SSBP2: variants seen among roughly 807,000 people sequenced by gnomAD.
The protein encoded by SSBP2 is single-stranded DNA-binding protein 2.
Under a neutral mutation model 61.8 loss-of-function variants are expected in SSBP2, and 17 were observed. The ratio of observed to expected loss-of-function variants is 0.28; its 90% CI spans 0.19 to 0.41. The LOEUF (loss-of-function observed/expected upper bound fraction) is 0.41, where lower values mean the gene tolerates loss of function less well. SSBP2 is among the 10% of genes least tolerant of loss of function. The pLI, the probability that SSBP2 is intolerant of heterozygous loss-of-function variation, is 1.00. For synonymous variants in SSBP2, 139 were observed against 141.3 expected, an observed-to-expected ratio of 0.98 and a Z score of 0.12; for missense variants, 310 against 458.7, an observed-to-expected ratio of 0.68 and a Z score of 2.96.
At chr5:81,722,643 G>C (rs778254220) in intron 1 of SSBP2, among the ~76,000 whole-genome samples, 1 of 151,930 alleles carries the variant, frequency 6.6e-6, no homozygotes, top group Non-Finnish European at 1.5e-5. Context: ...GCATGCATTT[G>C]TTTTCTCTAA....
chr5:81,544,957 A>G (rs1172474808), intron 4 of SSBP2, among the ~76,000 whole-genome samples: 3 of 152,172 alleles, frequency 2.0e-5, no homozygotes, highest in Non-Finnish European at 4.4e-5. Flanking sequence ...TGGACTGAAT[A>G]TAGAGGAGGA....
At chr5:81,441,203 T>C (rs1487373274) in intron 13 of SSBP2, among the ~76,000 whole-genome samples, 1 of 152,232 alleles carries the variant, frequency 6.6e-6, no homozygotes, top group African/African-American at 2.4e-5. Context: ...TCAATGACAC[T>C]CAGAGGTTCC....
At chr5:81,747,499 CAAAT>C (rs747209365) in intron 1 of SSBP2, among the ~76,000 whole-genome samples, 6 of 151,910 alleles carry the variant, frequency 3.9e-5, no homozygotes, top group Non-Finnish European at 8.8e-5. Flanking sequence ...CACAGGATGG[CAAAT>C]AAATAATAGT....
chr5:81,578,564 G>C (rs1423552862), intron 4 of SSBP2, among the ~76,000 whole-genome samples: 1 of 151,432 alleles, frequency 6.6e-6, no homozygotes, highest in Non-Finnish European at 1.5e-5. Context: ...CAGTAAAAGG[G>C]AAAGAAAAAT....
intron 4 of SSBP2, among the ~76,000 whole-genome samples, chr5:81,544,565 T>G (rs1771583702): frequency 6.6e-6 from 1 of 152,094 alleles, no homozygotes; most frequent in South Asian, 2.1e-4. Context: ...CAGAAAGACA[T>G]AAAAGGAAGG....
At chr5:81,559,337 A>G (rs187132191) in intron 4 of SSBP2, among the ~76,000 whole-genome samples, 45 of 150,428 alleles carry the variant, frequency 3.0e-4, no homozygotes, top group Middle Eastern at 3.4e-3. Context: ...CAGTGAGCCG[A>G]GACTGCGCCA....
intron 1 of SSBP2, among the ~76,000 whole-genome samples, chr5:81,743,638 A>G (rs1293819125): frequency 6.6e-6 from 1 of 152,188 alleles, no homozygotes; most frequent in Non-Finnish European, 1.5e-5. Flanking sequence ...TGGTAATCCC[A>G]TTATATCTAG....
At position 81,415,555 on chromosome 5, in the gene SSBP2, A is replaced by C. The variant is rs1468077808; in HGVS notation, c.*4949T>G. On this transcript the variant is annotated 3_prime_UTR_variant, in exon 17 of 17. Transcript: ENST00000320672. ...AATATTTTTTATCAGGAGTTGATTG[A>C]ATCAGGGATGTGGAACCTGTGGATA... 1 of 152,060 alleles carries C rather than the reference A, an allele frequency of 6.6e-6. No individual in the cohort carries two copies. The highest frequency in any genetic ancestry group is 2.4e-5 in the African/African-American group (1 of 41,362). 9.4% of individuals were successfully genotyped at this position (152,060 alleles called of 1,614,324 possible).
chr5:81,631,189 C>T (rs965116172), intron 3 of SSBP2, among the ~76,000 whole-genome samples: 1 of 152,114 alleles, frequency 6.6e-6, no homozygotes, highest in African/African-American at 2.4e-5. Context: ...TGTAGTGAAC[C>T]GTTGGAACAA....
intron 6 of SSBP2, among the ~76,000 whole-genome samples, chr5:81,489,004 T>C (rs1042522033): frequency 6.6e-6 from 1 of 152,086 alleles, no homozygotes; most frequent in South Asian, 2.1e-4. Context: ...TAAATCTGTA[T>C]TGTAGTGTAA....
At chr5:81,554,700 GGTTT>G (rs1772463964) in intron 4 of SSBP2, among the ~76,000 whole-genome samples, 1 of 151,930 alleles carries the variant, frequency 6.6e-6, no homozygotes, top group Non-Finnish European at 1.5e-5. Context: ...TATTTGCTTT[GGTTT>G]GTTTGTTTTG....
chr5:81,692,216 T>C lies in SSBP2; in HGVS notation c.63-41877A>G, dbSNP rs374648431. On this transcript the variant is annotated intron_variant, in intron 1 of 16. Transcript: ENST00000320672. ...CAGAAGCATTTCTATATGTCAACAATGAACAATCTGAAAAATAAATCAAGA... is the reference window on the plus strand; with the variant it reads ...CAGAAGCATTTCTATATGTCAACAACGAACAATCTGAAAAATAAATCAAGA... Among the ~76,000 whole-genome samples the C allele has an allele frequency of 3.3e-3, 499 of 152,028 alleles. 5 individuals carry two copies. Among genetic ancestry groups the C allele is most frequent in the African/African-American group, 0.012 (486 of 41,486 alleles).
intron 2 of SSBP2, among the ~76,000 whole-genome samples, chr5:81,649,099 T>C (rs1007148383): frequency 1.3e-5 from 2 of 152,104 alleles, no homozygotes; most frequent in Admixed American, 1.3e-4. Context: ...GGGATTAACA[T>C]AGACCTAAGT....
chr5:81,520,552 T>C (rs1316777758), intron 4 of SSBP2, among the ~76,000 whole-genome samples: 2 of 152,184 alleles, frequency 1.3e-5, no homozygotes, highest in Non-Finnish European at 2.9e-5. Context: ...TTGGAGGTTT[T>C]ATTTTTTAAT....
At chr5:81,489,114 C>G (rs963196888) in intron 6 of SSBP2, 136 bp downstream of exon 6, 10 of 780,864 alleles carry the variant, frequency 1.3e-5, no homozygotes, top group Non-Finnish European at 1.9e-5. Flanking sequence ...GTTTGCCAAC[C>G]CTTGAAGCAG....
At chr5:81,514,891 T>G (rs1256408372) in intron 4 of SSBP2, among the ~76,000 whole-genome samples, 1 of 152,014 alleles carries the variant, frequency 6.6e-6, no homozygotes, top group Admixed American at 6.6e-5. Flanking sequence ...TCTGAAATGT[T>G]GCTTACCTAT....
At chr5:81,716,149 CA>C (rs568826295) in intron 1 of SSBP2, among the ~76,000 whole-genome samples, 300 of 145,178 alleles carry the variant, frequency 2.1e-3, no homozygotes, top group Non-Finnish European at 3.6e-3. Context: ...TAGATAGCGT[CA>C]AAAAAAAAAT....
chr5:81,687,622 G>C (rs1752913723), intron 1 of SSBP2, among the ~76,000 whole-genome samples: 1 of 152,178 alleles, frequency 6.6e-6, no homozygotes, highest in Non-Finnish European at 1.5e-5. Flanking sequence ...AGAGAGGGAA[G>C]AGTAAAGAGG....
At chr5:81,506,621 A>G (rs1246343576) in intron 5 of SSBP2, among the ~76,000 whole-genome samples, 1 of 152,176 alleles carries the variant, frequency 6.6e-6, no homozygotes, top group Non-Finnish European at 1.5e-5. Flanking sequence ...AACCACTGGA[A>G]GTGAAGGTAA....
Sources: gnomAD v4.1 joint callset for allele counts (sites outside exome capture counted in the v4.1 genomes callset) on GRCh38, gnomAD v4.1.1 for gene constraint, MANE v1.5 for transcripts, NCBI Gene and HGNC (gene_info 2026-07-23, HGNC 2026-07-21) for gene names.